Variants in MAP2 observed in about 807,000 individuals in gnomAD.
MAP2 encodes microtubule-associated protein 2.
In MAP2, 14 loss-of-function variants were observed where a neutral mutation model predicts 137.6. The ratio of observed to expected loss-of-function variants is 0.10; its 90% CI spans 0.07 to 0.16. MAP2 has a LOEUF of 0.16. Among genes scored for constraint, MAP2 ranks in the 10% least tolerant of loss-of-function variants. MAP2 has a pLI of 1.00. For synonymous variants in MAP2, 786 were observed against 782.3 expected (o/e 1.00, Z -0.08); for missense variants, 2,088 against 2,191.5 (o/e 0.95, Z 0.94).
At chr2:209,727,927 C>G (rs900009011) in intron 14 of MAP2, among the ~76,000 whole-genome samples, 2 of 152,008 alleles carry the variant, frequency 1.3e-5, no homozygotes, top group Non-Finnish European at 2.9e-5. Context: ...TTATTTTTCC[C>G]TCTCAGAAGA....
chr2:209,543,571 TA>T (rs1279229894), intron 2 of MAP2, among the ~76,000 whole-genome samples: 1 of 152,222 alleles, frequency 6.6e-6, no homozygotes, highest in African/African-American at 2.4e-5. Flanking sequence ...ATAGTATTCA[TA>T]AATCTCCTTA....
chr2:209,575,597 G>T (rs2153383707), intron 2 of MAP2, among the ~76,000 whole-genome samples: 1 of 143,448 alleles, frequency 7.0e-6, no homozygotes, highest in Non-Finnish European at 1.5e-5. Flanking sequence ...ATATTTTTAA[G>T]AAAGACTGAA....
At chr2:209,502,452 G>T (rs896103813) in intron 1 of MAP2, among the ~76,000 whole-genome samples, 11 of 152,138 alleles carry the variant, frequency 7.2e-5, no homozygotes, top group African/African-American at 2.7e-4. Flanking sequence ...ATGTTCCATT[G>T]TGTATAGTAA....
At chr2:209,586,696 A>G (rs2077818353) in intron 3 of MAP2, among the ~76,000 whole-genome samples, 1 of 152,186 alleles carries the variant, frequency 6.6e-6, no homozygotes. Context: ...TCTTACTAAA[A>G]TGCAGACTCA....
At chr2:209,542,776 T>A (rs964990736) in intron 2 of MAP2, among the ~76,000 whole-genome samples, 5 of 152,238 alleles carry the variant, frequency 3.3e-5, no homozygotes, top group African/African-American at 1.2e-4. Context: ...TCAGGCTTCA[T>A]AGAATTGAAA....
At chr2:209,464,753 C>G (rs543936926) in intron 1 of MAP2, among the ~76,000 whole-genome samples, 30 of 152,016 alleles carry the variant, frequency 2.0e-4, no homozygotes, top group Non-Finnish European at 3.4e-4. Context: ...GTTATAAGGT[C>G]ATTAAAGACA....
At position 209,540,630 on chromosome 2, in the gene MAP2, CAAA is replaced by C. The variant is rs749183996; in HGVS notation, c.-172+33019_-172+33021del. On this transcript the variant is annotated intron_variant, in intron 2 of 15. Coordinates refer to ENST00000682079, the MANE Select transcript of MAP2 (RefSeq NM_001375505.1). ...TGCGTGACTGAGTGAGACTCCGTCT[CAAA>C]AAAAAAAAAAAAAAAAAAAAAAAAA... Among the ~76,000 whole-genome samples, 151 of 27,578 alleles carry C rather than the reference CAAA, an allele frequency of 5.5e-3. 1 individual carries two copies. Among genetic ancestry groups the C allele is most frequent in the African/African-American group, 0.019 (144 of 7,388 alleles). 18.1% of individuals were successfully genotyped at this position (27,578 alleles called of 152,430 possible). A position where few individuals can be genotyped will look rare whatever the true frequency, so the allele number is the denominator to read the frequency against.
At chr2:209,588,050 C>T (rs930162305) in intron 3 of MAP2, among the ~76,000 whole-genome samples, 9 of 152,140 alleles carry the variant, frequency 5.9e-5, no homozygotes, top group Admixed American at 6.6e-5. Context: ...ATGTTGTCTA[C>T]ATAGAAGATA....
chr2:209,626,815 A>G (rs961851282), intron 4 of MAP2, among the ~76,000 whole-genome samples: 1 of 152,136 alleles, frequency 6.6e-6, no homozygotes, highest in Non-Finnish European at 1.5e-5. Flanking sequence ...TAATGTTTTA[A>G]TCTTCTGGTG....
chr2:209,711,114 A>G (rs1042668995), intron 13 of MAP2, among the ~76,000 whole-genome samples: 3 of 152,152 alleles, frequency 2.0e-5, no homozygotes, highest in Non-Finnish European at 4.4e-5. Flanking sequence ...TTTTTGAAAG[A>G]AAGAAGGACA....
chr2:209,682,631 T>C (rs773442933), intron 7 of MAP2, among the ~76,000 whole-genome samples: 7 of 152,032 alleles, frequency 4.6e-5, no homozygotes, highest in Non-Finnish European at 1.0e-4. Flanking sequence ...CCTGATTTTA[T>C]TGGGTGGTGA....
At chr2:209,537,546 C>T (rs767714461) in intron 2 of MAP2, among the ~76,000 whole-genome samples, 2 of 152,128 alleles carry the variant, frequency 1.3e-5, no homozygotes, top group Admixed American at 6.5e-5. Flanking sequence ...AAGCTAATTA[C>T]AGGTATATGT....
intron 10 of MAP2, among the ~76,000 whole-genome samples, chr2:209,698,431 C>G (rs1442420930): frequency 2.0e-5 from 3 of 152,120 alleles, no homozygotes; most frequent in Non-Finnish European, 2.9e-5. Context: ...GTTTTTCTTT[C>G]CATTGTACAT....
intron 2 of MAP2, among the ~76,000 whole-genome samples, chr2:209,540,183 G>A (rs2066695905): frequency 6.8e-6 from 1 of 146,372 alleles, no homozygotes; most frequent in South Asian, 2.2e-4. Flanking sequence ...CTTGAATTTA[G>A]ATAAAATAGA....
intron 5 of MAP2, among the ~76,000 whole-genome samples, chr2:209,678,237 C>T (rs1303400902): frequency 2.6e-5 from 4 of 151,940 alleles, no homozygotes; most frequent in African/African-American, 7.2e-5. Flanking sequence ...GCAGGGGATA[C>T]AAACACTCAT....
At chr2:209,720,228 AGAT>A (rs1456959502) in intron 13 of MAP2, among the ~76,000 whole-genome samples, 1 of 152,226 alleles carries the variant, frequency 6.6e-6, no homozygotes, top group Non-Finnish European at 1.5e-5. Flanking sequence ...AGCTATAGGA[AGAT>A]GATCTGGTTG....
chr2:209,492,656 C>T (rs1464188256), intron 1 of MAP2, among the ~76,000 whole-genome samples: 1 of 151,912 alleles, frequency 6.6e-6, no homozygotes, highest in Non-Finnish European at 1.5e-5. Context: ...TAGACAGACA[C>T]AGAGCCAAAT....
At chr2:209,488,153 G>T (rs1017619881) in intron 1 of MAP2, among the ~76,000 whole-genome samples, 13 of 152,178 alleles carry the variant, frequency 8.5e-5, no homozygotes, top group Non-Finnish European at 1.6e-4. Flanking sequence ...GCAGGGTGGG[G>T]TGTCGCCTCA....
At chr2:209,642,390 G>T (rs923590273) in intron 4 of MAP2, among the ~76,000 whole-genome samples, 1 of 148,686 alleles carries the variant, frequency 6.7e-6, no homozygotes, top group Non-Finnish European at 1.5e-5. Flanking sequence ...TTGTGTCTCC[G>T]CATTCCAGCC....
Sources: allele counts gnomAD v4.1 joint callset (sites outside exome capture counted in the v4.1 genomes callset), GRCh38; gene constraint gnomAD v4.1.1; transcripts MANE v1.5; gene names NCBI Gene and HGNC (gene_info 2026-07-23, HGNC 2026-07-21).